The following HCN1 variants were observed in gnomAD, a reference collection of about 807,000 sequenced individuals.
HCN1 encodes the protein hyperpolarization activated cyclic nucleotide gated potassium channel 1, also known as potassium/sodium hyperpolarization-activated cyclic nucleotide-gated channel 1.
In HCN1, 13 loss-of-function variants were observed where a neutral mutation model predicts 78.9. The observed-to-expected ratio is 0.16, with a 90% CI of 0.11 to 0.26. The LOEUF (loss-of-function observed/expected upper bound fraction) is 0.26, where lower values mean the gene tolerates loss of function less well. Ranked by LOEUF, HCN1 falls within the 10% of genes least tolerant of loss-of-function variation. The pLI is 1.00. For synonymous variants in HCN1, 552 were observed against 455.5 expected (o/e 1.21, Z -2.70); for missense variants, 810 against 1,154.3 (o/e 0.70, Z 4.32).
intron 1 of HCN1, among the ~76,000 whole-genome samples, chr5:45,674,201 T>C (rs1334817766): frequency 6.6e-6 from 1 of 151,324 alleles, no homozygotes. Context: ...CTATGAATTA[T>C]ATAAATTAGC....
At chr5:45,587,320 T>C (rs887684558) in intron 2 of HCN1, among the ~76,000 whole-genome samples, 7 of 152,032 alleles carry the variant, frequency 4.6e-5, no homozygotes, top group East Asian at 1.9e-4. Flanking sequence ...CAATGATTGA[T>C]TGGATTAAGA....
At chr5:45,372,383 A>C (rs1282169314) in intron 4 of HCN1, among the ~76,000 whole-genome samples, 1 of 114,504 alleles carries the variant, frequency 8.7e-6, no homozygotes, top group East Asian at 2.4e-4. Context: ...TATATTATAT[A>C]AATATGTAAA....
At chr5:45,276,341 T>A (rs1313712736) in intron 6 of HCN1, among the ~76,000 whole-genome samples, 2 of 152,122 alleles carry the variant, frequency 1.3e-5, no homozygotes, top group Admixed American at 6.6e-5. Context: ...CACACTTTAA[T>A]ATGTATGGGA....
At chr5:45,571,871 G>A (rs193076898) in intron 2 of HCN1, among the ~76,000 whole-genome samples, 45 of 152,234 alleles carry the variant, frequency 3.0e-4, no homozygotes, top group Admixed American at 1.8e-3. Flanking sequence ...CTGAGATCAT[G>A]CCATTGCACT....
chr5:45,625,920 T>C (rs1037456170), intron 2 of HCN1, among the ~76,000 whole-genome samples: 19 of 152,118 alleles, frequency 1.2e-4, no homozygotes, highest in African/African-American at 4.3e-4. Context: ...TACAACAACA[T>C]GAAGAAAATT....
intron 2 of HCN1, among the ~76,000 whole-genome samples, chr5:45,533,163 T>C (rs374468177): frequency 6.6e-5 from 10 of 152,210 alleles, no homozygotes; most frequent in African/African-American, 2.2e-4. Context: ...TTGATGTGTA[T>C]GGTGTGTTTG....
chr5:45,478,717 G>T lies in HCN1; in HGVS notation c.850-16710C>A, dbSNP rs148822791. Among the ~76,000 whole-genome samples the T allele has an allele frequency of 1.7e-3, 260 of 152,274 alleles. 2 individuals carry two copies. The highest frequency in any genetic ancestry group is 6.0e-3 in the African/African-American group (250 of 41,564). On this transcript the variant is annotated intron_variant, in intron 2 of 7. Transcript: ENST00000303230. ...AAGCTTCCTTAAAACTGAAGCCAGAGAAATATAATGTGTGTGGTGTGTCTG... is the reference window on the plus strand; with the variant it reads ...AAGCTTCCTTAAAACTGAAGCCAGATAAATATAATGTGTGTGGTGTGTCTG...
chr5:45,570,891 C>T (rs781286598), intron 2 of HCN1, among the ~76,000 whole-genome samples: 103 of 152,074 alleles, frequency 6.8e-4, no homozygotes, highest in Non-Finnish European at 1.2e-3. Context: ...TGACAATTTG[C>T]TCCTGTGACA....
At chr5:45,690,732 A>G (rs1205777713) in intron 1 of HCN1, among the ~76,000 whole-genome samples, 1 of 152,084 alleles carries the variant, frequency 6.6e-6, no homozygotes, top group East Asian at 1.9e-4. Context: ...TAAAATATAT[A>G]GTGTCAGCCT....
chr5:45,493,028 C>T (rs1349151004), intron 2 of HCN1, among the ~76,000 whole-genome samples: 1 of 151,956 alleles, frequency 6.6e-6, no homozygotes, highest in Non-Finnish European at 1.5e-5. Flanking sequence ...GAGAATCATT[C>T]TTTCTTATAA....
intron 4 of HCN1, among the ~76,000 whole-genome samples, chr5:45,378,251 A>C (rs905589905): frequency 2.6e-5 from 4 of 152,014 alleles, no homozygotes; most frequent in Admixed American, 2.6e-4. Context: ...TCCCTCATCA[A>C]CCCTACCATT....
chr5:45,519,747 CA>C (rs1742580120), intron 2 of HCN1, among the ~76,000 whole-genome samples: 1 of 151,726 alleles, frequency 6.6e-6, no homozygotes, highest in African/African-American at 2.4e-5. Flanking sequence ...TAAGAGGGAC[CA>C]AAAGGAAAAT....
Position 45,257,527 on chromosome 5 carries a change from G to A in HCN1, c.*4394C>T, listed in dbSNP as rs533701062. On this transcript the variant is annotated 3_prime_UTR_variant, in exon 8 of 8. Transcript: ENST00000303230. ...AAATAATTTTCAAGGTGGGATGCGG[G>A]GAGTGTCAGCAAGGCTTCTCTCATT... 5 of 152,118 alleles carry A rather than the reference G, an allele frequency of 3.3e-5. No individual in the cohort carries two copies. The highest frequency in any genetic ancestry group is 2.0e-4 in the Admixed American group (3 of 15,274). The allele number at this position is 152,118 out of a possible 1,614,324, so 9.4% of individuals were successfully genotyped here.
intron 2 of HCN1, among the ~76,000 whole-genome samples, chr5:45,531,177 T>C (rs1462803214): frequency 6.6e-6 from 1 of 152,188 alleles, no homozygotes; most frequent in African/African-American, 2.4e-5. Flanking sequence ...GAATAATCTA[T>C]GGCAACAGTG....
In HCN1 at chr5:45,657,111, C is replaced by A. The variant is rs977811407; in HGVS notation, c.426-11503G>T. ...GTAACAAATATCGAGGGTGTGTGGG[C>A]AGACCAACATTTGCTGTGGAATATT... On this transcript the variant is annotated intron_variant, in intron 1 of 7. Coordinates refer to ENST00000303230, the MANE Select transcript of HCN1 (RefSeq NM_021072.4). 5.9e-5 allele frequency among the ~76,000 whole-genome samples: 9 copies of A among 152,092 alleles called. No homozygotes were observed. In the South Asian group the frequency reaches 1.9e-3, roughly 32 times the overall value.
intron 4 of HCN1, among the ~76,000 whole-genome samples, chr5:45,366,313 A>C (rs1579842999): frequency 6.6e-6 from 1 of 151,950 alleles, no homozygotes; most frequent in East Asian, 1.9e-4. Flanking sequence ...TATCTGCAAT[A>C]AACAGTTAAG....
chr5:45,347,121 A>AG (rs1746738453), intron 5 of HCN1, among the ~76,000 whole-genome samples: 2 of 152,204 alleles, frequency 1.3e-5, no homozygotes, highest in African/African-American at 4.8e-5. Context: ...ACCTCCCAGT[A>AG]GGGGCAGACT....
At chr5:45,535,845 G>C (rs948193575) in intron 2 of HCN1, among the ~76,000 whole-genome samples, 1 of 151,980 alleles carries the variant, frequency 6.6e-6, no homozygotes, top group Non-Finnish European at 1.5e-5. Context: ...CTGGTAATCC[G>C]ATTCCTTCAG....
At chr5:45,676,422 A>G in intron 1 of HCN1, among the ~76,000 whole-genome samples, 1 of 151,930 alleles carries the variant, frequency 6.6e-6, no homozygotes, top group East Asian at 1.9e-4. Context: ...CCATAATTAT[A>G]CTATTAAAAT....
Sources: gnomAD v4.1 joint callset for allele counts (sites outside exome capture counted in the v4.1 genomes callset) on GRCh38, gnomAD v4.1.1 for gene constraint, MANE v1.5 for transcripts, NCBI Gene and HGNC (gene_info 2026-07-23, HGNC 2026-07-21) for gene names.